Variants in USH2A observed in about 807,000 individuals in gnomAD.
The protein encoded by USH2A is Usher syndrome 2A (autosomal recessive, mild).
In USH2A, 443 loss-of-function variants were observed where a neutral mutation model predicts 538.9. The observed-to-expected ratio is 0.82, with a 90% CI of 0.76 to 0.89. The LOEUF (loss-of-function observed/expected upper bound fraction) is 0.89. USH2A is among the 40% of genes least tolerant of loss of function. The pLI is 0.00. For synonymous variants in USH2A, 2,413 were observed against 2,273.5 expected, an observed-to-expected ratio of 1.06 and a Z score of -1.75; for missense variants, 6,633 against 6,324.8, an observed-to-expected ratio of 1.05 and a Z score of -1.65.
rs114204962 is a variant in USH2A, at chr1:215,814,833, A to G, written c.9571-929T>C. Among the ~76,000 whole-genome samples the G allele has an allele frequency of 5.3e-3, 812 of 152,256 alleles. 6 individuals carry two copies. The highest frequency in any genetic ancestry group is 0.018 in the African/African-American group (751 of 41,544). Reference sequence around the variant, plus strand: ...ACCTGGGAACATGTTTAGAAATGCAAATTTTCACAGCCAAATCTAAACCTA... The same window carrying G: ...ACCTGGGAACATGTTTAGAAATGCAGATTTTCACAGCCAAATCTAAACCTA... On this transcript the variant is annotated intron_variant, in intron 48 of 71. Transcript: ENST00000307340.
intron 67 of USH2A, among the ~76,000 whole-genome samples, chr1:215,643,394 G>T (rs1308868030): frequency 1.3e-5 from 2 of 152,058 alleles, no homozygotes; most frequent in Non-Finnish European, 2.9e-5. Flanking sequence ...TTTAGAACCT[G>T]TATCATAGTC....
chr1:215,926,304 T>C (rs1315949019), intron 38 of USH2A, among the ~76,000 whole-genome samples: 1 of 151,600 alleles, frequency 6.6e-6, no homozygotes, highest in Admixed American at 6.6e-5. Flanking sequence ...TAGAAAGAGA[T>C]TTTGGTTGAA....
chr1:216,150,637 A>G (rs1489808917), intron 21 of USH2A, among the ~76,000 whole-genome samples: 1 of 152,100 alleles, frequency 6.6e-6, no homozygotes, highest in Non-Finnish European at 1.5e-5. Flanking sequence ...CTTTCTAGAC[A>G]GGTTCAGCAA....
chr1:215,687,158 A>G (rs1658450846), intron 61 of USH2A, among the ~76,000 whole-genome samples: 1 of 152,134 alleles, frequency 6.6e-6, no homozygotes, highest in Non-Finnish European at 1.5e-5. Context: ...AAATGTACTC[A>G]TAAGTGTTAA....
Position 215,728,383 on chromosome 1 carries a change from G to T in USH2A, c.11713C>A (p.Arg3905Ser). The change falls in exon 61 of 72, where the codon CGC becomes AGC. Residue 3905 changes from arginine (R) to serine (S), a missense_variant and splice_region_variant. Transcript: ENST00000307340. ...GACTCCTCTTCAATGCCAGCAGGGC[G>T]TCTGAAAGGAAACCAAGCAGGCAAC... ...GIIINYFIYR[R>S]PAGIEEESVL... 1 of 1,613,884 alleles carries T rather than the reference G, an allele frequency of 6.2e-7. No homozygotes were observed. The highest frequency in any genetic ancestry group is 8.5e-7 in the Non-Finnish European group (1 of 1,179,974).
chr1:216,145,871 GA>G (rs1407042726), intron 21 of USH2A, among the ~76,000 whole-genome samples: 2 of 151,816 alleles, frequency 1.3e-5, no homozygotes, highest in African/African-American at 4.8e-5. Flanking sequence ...ACCTGCCAGA[GA>G]ACAAACCCCC....
chr1:216,210,935 C>T (rs905865563), intron 15 of USH2A, among the ~76,000 whole-genome samples: 2 of 151,058 alleles, frequency 1.3e-5, no homozygotes, highest in African/African-American at 4.9e-5. Context: ...GAGCCAAGAT[C>T]GCCACTGCAT....
intron 49 of USH2A, among the ~76,000 whole-genome samples, chr1:215,805,724 T>A (rs1662481109): frequency 1.3e-5 from 2 of 152,000 alleles, no homozygotes; most frequent in South Asian, 4.1e-4. Context: ...TAACTTCCCA[T>A]AAAACAGAAG....
At chr1:216,103,985 C>T (rs12123638) in intron 21 of USH2A, among the ~76,000 whole-genome samples, 44,343 of 151,964 alleles carry the variant, frequency 0.29, 6,804 homozygotes, top group Non-Finnish European at 0.33. Flanking sequence ...TGGAAAACTG[C>T]TTGGCATTCT....
At chr1:216,419,457 A>T (rs1380427163) in intron 2 of USH2A, among the ~76,000 whole-genome samples, 2 of 152,124 alleles carry the variant, frequency 1.3e-5, no homozygotes, top group Non-Finnish European at 2.9e-5. Flanking sequence ...CACACCTTTC[A>T]GACCTTGAGG....
At chr1:216,241,578 A>C (rs1338924291) in intron 13 of USH2A, among the ~76,000 whole-genome samples, 3 of 149,618 alleles carry the variant, frequency 2.0e-5, no homozygotes, top group African/African-American at 7.4e-5. Context: ...CTTGTTGCCC[A>C]GGCAGGAGTG....
chr1:215,707,242 G>T (rs1291804633), intron 61 of USH2A, among the ~76,000 whole-genome samples: 2 of 152,150 alleles, frequency 1.3e-5, no homozygotes, highest in African/African-American at 4.8e-5. Context: ...ATATGTAGGA[G>T]AAAAATTCTG....
At chr1:216,291,495 C>A (rs2037001391) in intron 10 of USH2A, among the ~76,000 whole-genome samples, 1 of 152,156 alleles carries the variant, frequency 6.6e-6, no homozygotes, top group African/African-American at 2.4e-5. Context: ...CCAGCACCTA[C>A]CCAAGATCTT....
chr1:215,728,282 G>A lies in USH2A; in HGVS notation c.11814C>T (p.Tyr3938=), dbSNP rs766042296. The A allele has an allele frequency of 5.0e-6, 8 of 1,614,102 alleles. No homozygotes were observed. The highest frequency in any genetic ancestry group is 6.8e-6 in the Non-Finnish European group (8 of 1,180,022). ...AGTTACAGGCTCTGACCCGATATTC[G>A]TAGAGTGTGAAAGGCCTCAGGGTGT... ...EGDTLRPFTL[Y]EYRVRACNSK... Residue 3938 remains tyrosine (Y), a synonymous_variant, in exon 61 of 72, where the codon TAC becomes TAT. Coordinates refer to ENST00000307340, the MANE Select transcript of USH2A (RefSeq NM_206933.4).
chr1:216,136,898 TC>T (rs1488445866), intron 21 of USH2A, among the ~76,000 whole-genome samples: 1 of 152,100 alleles, frequency 6.6e-6, no homozygotes, highest in African/African-American at 2.4e-5. Context: ...AAGATATCAA[TC>T]CTGCTGATAT....
At position 216,359,008 on chromosome 1, in the gene USH2A, A is replaced by C. The variant is rs2038440959; in HGVS notation, c.784+5945T>G. 2.0e-5 allele frequency among the ~76,000 whole-genome samples: 3 copies of C among 152,300 alleles called. No individual in the cohort carries two copies. The South Asian group carries it at 6.2e-4, about 32-fold the overall frequency. On this transcript the variant is annotated intron_variant, in intron 4 of 71. Transcript: ENST00000307340. ...GCAATAAAACACTTTTAGAAGTACT[A>C]ATGGGGATTAAATATTGAAATAAGG...
intron 47 of USH2A, 54 bp from the exon 48 acceptor site, chr1:215,817,249 G>C: frequency 6.4e-7 from 1 of 1,557,426 alleles, no homozygotes; most frequent in East Asian, 2.3e-5. Context: ...TAACATTGAT[G>C]CTATCAGTCT....
chr1:216,189,015 C>T (rs987615628), intron 20 of USH2A, among the ~76,000 whole-genome samples: 1 of 151,854 alleles, frequency 6.6e-6, no homozygotes, highest in African/African-American at 2.4e-5. Context: ...TTCAGTAAAC[C>T]TTTAATAATA....
intron 46 of USH2A, among the ~76,000 whole-genome samples, chr1:215,840,716 C>A (rs146707899): frequency 3.7e-4 from 57 of 152,324 alleles, no homozygotes; most frequent in African/African-American, 1.3e-3. Context: ...AGTGTTCTCA[C>A]TTCTAGGTTG....
Sources: gnomAD v4.1 joint callset for allele counts (sites outside exome capture counted in the v4.1 genomes callset) on GRCh38, gnomAD v4.1.1 for gene constraint, MANE v1.5 for transcripts, NCBI Gene and HGNC (gene_info 2026-07-23, HGNC 2026-07-21) for gene names.